Variants in PON3 observed in about 807,000 individuals in gnomAD.
PON3 encodes paraoxonase 3, also known as serum paraoxonase/lactonase 3.
A neutral mutation model predicts 36.3 loss-of-function variants in PON3; 37 were observed. The ratio of observed to expected loss-of-function variants is 1.02; its 90% CI spans 0.78 to 1.34. The LOEUF is 1.34. Ranked by LOEUF, PON3 falls within the 40% of genes most tolerant of loss-of-function variation. The probability of loss-of-function intolerance (pLI) is 0.00; values close to 1 mark genes in which losing one functional copy is unlikely to be tolerated. For missense variants in PON3, 415 were observed against 426.5 expected (o/e 0.97, Z 0.24); for synonymous variants, 155 against 154.8 (o/e 1.00, Z -0.01).
intron 2 of PON3, among the ~76,000 whole-genome samples, chr7:95,394,022 G>A (rs887149581): frequency 5.9e-5 from 9 of 152,032 alleles, no homozygotes; most frequent in Admixed American, 4.6e-4. Context: ...TCAGCCTTCC[G>A]AGTAGCTGGG....
intron 3 of PON3, among the ~76,000 whole-genome samples, chr7:95,378,284 T>C (rs1808966095): frequency 6.6e-6 from 1 of 152,198 alleles, no homozygotes; most frequent in African/African-American, 2.4e-5. Flanking sequence ...TTGATTGGTG[T>C]ACCAGAAAGT....
chr7:95,377,484 C>T (rs1367607540), intron 3 of PON3: 1 of 304,910 alleles, frequency 3.3e-6, no homozygotes, highest in South Asian at 2.5e-5. Context: ...GTCTCTGACA[C>T]CCATGTAGCC....
At chr7:95,366,965 A>T (rs1237351754) in intron 5 of PON3, among the ~76,000 whole-genome samples, 2 of 152,250 alleles carry the variant, frequency 1.3e-5, no homozygotes, top group African/African-American at 4.8e-5. Flanking sequence ...GAAGTGGCTC[A>T]TCTGGAGGTT....
rs752970986 is a variant in PON3, at chr7:95,395,199, GCTGA to G, written c.75-489_75-486del. Among the ~76,000 whole-genome samples, 12 of 152,106 alleles carry G rather than the reference GCTGA, an allele frequency of 7.9e-5. No homozygotes were observed. The South Asian group carries it at 1.7e-3, about 21-fold the overall frequency. ...TTTTGCTTTAATTTTTAAATTTTAT[GCTGA>G]CTTACTCCGCAAGTATGTAAATTCA... On this transcript the variant is annotated intron_variant, in intron 1 of 8. Transcript: ENST00000265627.
At chr7:95,391,977 C>G (rs1209062631) in intron 2 of PON3, among the ~76,000 whole-genome samples, 1 of 152,136 alleles carries the variant, frequency 6.6e-6, no homozygotes, top group Non-Finnish European at 1.5e-5. Flanking sequence ...TAAGCTAAGC[C>G]CATCACCCCC....
At chr7:95,367,311 C>T in intron 5 of PON3, 51 bp downstream of exon 5, 5 of 1,601,516 alleles carry the variant, frequency 3.1e-6, no homozygotes, top group South Asian at 1.1e-5. Context: ...ATACAAAGCA[C>T]ACAGCAGAGG....
At chr7:95,383,591 C>T (rs1005962257) in intron 3 of PON3, among the ~76,000 whole-genome samples, 105 of 152,128 alleles carry the variant, frequency 6.9e-4, no homozygotes, top group Non-Finnish European at 1.1e-3. Flanking sequence ...CATGAGTGAA[C>T]TCCCATTCAC....
chr7:95,362,736 G>A, intron 7 of PON3, 24 bp downstream of exon 7: 1 of 1,565,032 alleles, frequency 6.4e-7, no homozygotes, highest in Non-Finnish European at 8.8e-7. Context: ...GTCAGATTGT[G>A]TGGGCCAGAC....
chr7:95,369,814 A>T (rs964272963), intron 4 of PON3, among the ~76,000 whole-genome samples: 4 of 152,174 alleles, frequency 2.6e-5, no homozygotes, highest in African/African-American at 7.2e-5. Context: ...GAATGATTTT[A>T]AAAAAGAGGT....
chr7:95,365,481 C>T (rs2116379440), intron 5 of PON3: 1 of 152,382 alleles, frequency 6.6e-6, no homozygotes, highest in South Asian at 2.1e-4. Context: ...AAACCCTTCT[C>T]CCTTTTTCTC....
chr7:95,366,611 A>G (rs1295946096), intron 5 of PON3, among the ~76,000 whole-genome samples: 2 of 152,236 alleles, frequency 1.3e-5, no homozygotes, highest in South Asian at 2.1e-4. Context: ...TGTTTGCTAC[A>G]GCCTTTAAAC....
At chr7:95,362,604 G>C (rs1418768563) in intron 7 of PON3, 114 bp from the exon 8 acceptor site, 4 of 1,512,352 alleles carry the variant, frequency 2.6e-6, no homozygotes, top group Admixed American at 3.5e-5. Flanking sequence ...GGTGTTTTTA[G>C]GGGGCTTTGC....
chr7:95,391,653 T>A (rs531806808), intron 2 of PON3, among the ~76,000 whole-genome samples: 1 of 152,244 alleles, frequency 6.6e-6, no homozygotes, highest in South Asian at 2.1e-4. Flanking sequence ...TCTCCAGCTC[T>A]GTTACAGCCT....
rs139916934 is a variant in PON3, at chr7:95,387,810, A to G, written c.201+2344T>C. 1.7e-3 allele frequency among the ~76,000 whole-genome samples: 261 copies of G among 152,222 alleles called. 5 individuals carry two copies. The East Asian group carries it at 0.04, about 23-fold the overall frequency. On this transcript the variant is annotated intron_variant, in intron 3 of 8. Transcript: ENST00000265627. The stretch of plus-strand genomic sequence containing the variant: ...ATATAGACCTATGGAACAGAACAGA[A>G]GCCTCAGAAATAACACCACACATCT...
In PON3 at chr7:95,362,351, T is replaced by C. The variant is rs759335173; in HGVS notation, c.906+11A>G. On this transcript the variant is annotated intron_variant, in intron 8 of 8. Coordinates refer to ENST00000265627, the MANE Select transcript of PON3 (RefSeq NM_000940.3). ...CTTTGCCTGTGAGCTCAGAGAGGTA[T>C]AGGAACTTACTTCTGATCCTGGAGG... 7.4e-6 allele frequency: 12 copies of C among 1,613,492 alleles called. No homozygotes were observed. Among genetic ancestry groups the C allele is most frequent in the Non-Finnish European group, 1.0e-5 (12 of 1,179,640 alleles).
intron 1 of PON3, chr7:95,395,875 A>G (rs1809418113): frequency 3.3e-6 from 1 of 299,566 alleles, no homozygotes; most frequent in Non-Finnish European, 6.6e-6. Flanking sequence ...GCAATGTCTC[A>G]GTCAGCCGTA....
At chr7:95,393,674 A>T (rs1276203711) in intron 2 of PON3, among the ~76,000 whole-genome samples, 2 of 152,136 alleles carry the variant, frequency 1.3e-5, no homozygotes, top group Non-Finnish European at 2.9e-5. Context: ...GAATGGGGGT[A>T]CCATACATAG....
chr7:95,369,366 G>T (rs527495652), intron 4 of PON3, among the ~76,000 whole-genome samples: 1 of 152,286 alleles, frequency 6.6e-6, no homozygotes, highest in Non-Finnish European at 1.5e-5. Context: ...GGGGAGACAC[G>T]TTCTTCATAG....
rs1808636419 is a variant in PON3 at position 95,363,984 on chromosome 7, A to G, written c.574T>C (p.Phe192Leu). 6.2e-7 allele frequency: 1 copy of G among 1,613,926 alleles called. No individual in the cohort carries two copies. Among genetic ancestry groups the G allele is most frequent in the Non-Finnish European group, 8.5e-7 (1 of 1,179,800 alleles). The change falls in exon 6 of 9, where the codon TTT becomes CTT. Residue 192 changes from phenylalanine (F) to leucine (L), a missense_variant. By Grantham distance (22) the Phe-to-Leu change is conservative. Coordinates refer to ENST00000265627, the MANE Select transcript of PON3 (RefSeq NM_000940.3). The stretch of plus-strand genomic sequence containing the variant: ...CGAAGATCCAAGATCATCTCAAAAA[A>G]TGACAGGAGGGAGTTGGTAAAATAG... The part of the protein sequence containing the change: ...DHYFTNSLLS[F>L]FEMILDLRWT...
Sources: allele counts gnomAD v4.1 joint callset (sites outside exome capture counted in the v4.1 genomes callset), GRCh38; gene constraint gnomAD v4.1.1; transcripts MANE v1.5; gene names NCBI Gene and HGNC (gene_info 2026-07-23, HGNC 2026-07-21).